Variants in PDE10A observed in about 807,000 individuals in gnomAD.
PDE10A encodes the protein cAMP and cAMP-inhibited cGMP 3',5'-cyclic phosphodiesterase 10A.
A neutral mutation model predicts 97.7 loss-of-function variants in PDE10A; 39 were observed. The observed-to-expected ratio is 0.40, with a 90% CI of 0.31 to 0.52. The LOEUF (loss-of-function observed/expected upper bound fraction) is 0.52, where lower values mean the gene tolerates loss of function less well. Among genes scored for constraint, PDE10A ranks in the 20% least tolerant of loss-of-function variants. PDE10A has a pLI of 0.56. For synonymous variants in PDE10A, 371 were observed against 376.8 expected (o/e 0.98, Z 0.18); for missense variants, 731 against 1,047.8 (o/e 0.70, Z 4.17).
At position 165,907,681 on chromosome 6, in the gene PDE10A, C is replaced by T. The variant is rs183118690; in HGVS notation, c.-615+79848G>A. On this transcript the variant is annotated intron_variant, in intron 1 of 19. Coordinates refer to the PDE10A transcript ENST00000366882. ...AATCCAGCAAGAAGGAGGAATAAAGCACCCTGCAGGAGGAGCGGATGCCTC... is the reference window on the plus strand; with the variant it reads ...AATCCAGCAAGAAGGAGGAATAAAGTACCCTGCAGGAGGAGCGGATGCCTC... 5.1e-3 allele frequency among the ~76,000 whole-genome samples: 776 copies of T among 152,358 alleles called. 7 individuals carry two copies. Among genetic ancestry groups the T allele is most frequent in the Non-Finnish European group, 6.7e-3 (457 of 68,036 alleles).
At chr6:165,603,976 A>G (rs1318283178) in intron 1 of PDE10A, among the ~76,000 whole-genome samples, 1 of 152,216 alleles carries the variant, frequency 6.6e-6, no homozygotes, top group Non-Finnish European at 1.5e-5. Context: ...CTTACAAACC[A>G]TGCTCCTTCT....
At chr6:165,639,738 CA>C (rs35358593) in intron 1 of PDE10A, among the ~76,000 whole-genome samples, 30,160 of 102,240 alleles carry the variant, frequency 0.29, 3,445 homozygotes, top group Middle Eastern at 0.41. Flanking sequence ...GACTCTGTCC[CA>C]AAAAAAAAAA....
chr6:165,375,895 TTC>T (rs146191905), intron 18 of PDE10A, among the ~76,000 whole-genome samples: 12,028 of 152,252 alleles, frequency 0.079, 527 homozygotes, highest in Middle Eastern at 0.2. Context: ...ATACTGAACA[TTC>T]TAAGCCTACT....
chr6:165,379,181 A>G lies in PDE10A; in HGVS notation c.2783+13T>C. On this transcript the variant is annotated intron_variant, in intron 18 of 21. Transcript: ENST00000539869. ...ACTTTCTGGGCTTCTAAGCTTTTAA[A>G]AATTATTTTTACCTATGTGATTGAT... is the stretch of plus-strand genomic sequence containing the variant. The G allele has an allele frequency of 6.3e-7, 1 of 1,576,528 alleles. No individual in the cohort carries two copies. Among genetic ancestry groups the G allele is most frequent in the Non-Finnish European group, 8.6e-7 (1 of 1,157,012 alleles).
At chr6:165,942,290 G>A (rs200037251) in intron 1 of PDE10A, among the ~76,000 whole-genome samples, 1 of 107,242 alleles carries the variant, frequency 9.3e-6, no homozygotes, top group Non-Finnish European at 1.8e-5. Context: ...GTATGTGTGT[G>A]TATATATATA....
At chr6:165,984,519 C>T (rs556872243) in intron 1 of PDE10A, among the ~76,000 whole-genome samples, 29 of 152,360 alleles carry the variant, frequency 1.9e-4, no homozygotes, top group African/African-American at 6.7e-4. Context: ...TTCGTCTGCT[C>T]TTAACCAAAA....
chr6:165,725,559 G>A (rs945967881), intron 1 of PDE10A, among the ~76,000 whole-genome samples: 11 of 152,224 alleles, frequency 7.2e-5, no homozygotes, highest in Non-Finnish European at 8.8e-5. Flanking sequence ...TTTAGCCATC[G>A]GTTCCTGCCA....
chr6:165,874,261 T>C (rs1781276870), intron 1 of PDE10A, among the ~76,000 whole-genome samples: 1 of 152,184 alleles, frequency 6.6e-6, no homozygotes, highest in Non-Finnish European at 1.5e-5. Flanking sequence ...TGGAGACAGA[T>C]TCAAAGTTGG....
At chr6:165,609,562 CA>C (rs1787391365) in intron 1 of PDE10A, among the ~76,000 whole-genome samples, 1 of 152,168 alleles carries the variant, frequency 6.6e-6, no homozygotes. Flanking sequence ...AAGAGGAAGT[CA>C]AATTGTCCCT....
At chr6:165,549,411 G>A (rs151002790) in intron 1 of PDE10A, among the ~76,000 whole-genome samples, 4,925 of 152,144 alleles carry the variant, frequency 0.032, 112 homozygotes, top group Non-Finnish European at 0.045. Context: ...TGCAAGCTCC[G>A]CCTCCTGGGT....
intron 1 of PDE10A, among the ~76,000 whole-genome samples, chr6:165,885,710 C>T (rs371552762): frequency 2.2e-4 from 33 of 152,338 alleles, no homozygotes; most frequent in Admixed American, 3.3e-4. Context: ...AGATCCAGTG[C>T]GTCCTTCACT....
intron 1 of PDE10A, among the ~76,000 whole-genome samples, chr6:165,925,017 C>T (rs1381711531): frequency 6.6e-6 from 1 of 152,126 alleles, no homozygotes; most frequent in Non-Finnish European, 1.5e-5. Flanking sequence ...CACCTCATGT[C>T]CGCCAAGGTC....
chr6:165,395,749 A>AT (rs1786114762), intron 14 of PDE10A, among the ~76,000 whole-genome samples: 1 of 152,162 alleles, frequency 6.6e-6, no homozygotes, highest in Admixed American at 6.5e-5. Context: ...ACAGTATGGT[A>AT]TAATATATAC....
intron 1 of PDE10A, among the ~76,000 whole-genome samples, chr6:165,822,966 T>C (rs1291048759): frequency 6.6e-6 from 1 of 151,978 alleles, no homozygotes; most frequent in Non-Finnish European, 1.5e-5. Context: ...CCTGAGTAGC[T>C]GAGACAACAG....
At position 165,418,283 on chromosome 6, in the gene PDE10A, G is replaced by A. The variant is rs753215245; in HGVS notation, c.1796+352C>T. On this transcript the variant is annotated intron_variant, in intron 11 of 21. Transcript: ENST00000539869. This position sits in a 1 kb window ranked among gnomAD's most constrained non-coding sequence, Gnocchi z 4.8. ...GTTGGGAAGAAGTAGGGGCCGAATT[G>A]CATAAGCACACCTTTTCTCTTGGAC... Among the ~76,000 whole-genome samples, 1 of 152,198 alleles carries A rather than the reference G, an allele frequency of 6.6e-6. No homozygotes were observed. Among genetic ancestry groups the A allele is most frequent in the Admixed American group, 6.5e-5 (1 of 15,282 alleles).
chr6:165,680,290 A>G (rs965740247), intron 1 of PDE10A, among the ~76,000 whole-genome samples: 4 of 152,198 alleles, frequency 2.6e-5, no homozygotes, highest in African/African-American at 9.6e-5. Context: ...CAGGTTCTAT[A>G]ATTCAAGTGA....
chr6:165,910,127 C>T (rs2128486101), intron 1 of PDE10A, among the ~76,000 whole-genome samples: 1 of 152,314 alleles, frequency 6.6e-6, no homozygotes, highest in African/African-American at 2.4e-5. Flanking sequence ...ACTAGATGCT[C>T]AGTAAACACA....
At chr6:165,364,241 G>A (rs1783618007) in intron 18 of PDE10A, among the ~76,000 whole-genome samples, 1 of 152,140 alleles carries the variant, frequency 6.6e-6, no homozygotes, top group African/African-American at 2.4e-5. Flanking sequence ...GAAGGAAGGT[G>A]ATTATGTCAT....
intron 1 of PDE10A, among the ~76,000 whole-genome samples, chr6:165,634,683 T>C (rs1788792598): frequency 6.6e-6 from 1 of 152,106 alleles, no homozygotes; most frequent in Admixed American, 6.5e-5. Flanking sequence ...AAGCCATAAA[T>C]TTGACTGTAA....
Sources: gnomAD v4.1 joint callset for allele counts (sites outside exome capture counted in the v4.1 genomes callset) on GRCh38, gnomAD v4.1.1 for gene constraint, Gnocchi (gnomAD v3.1) non-coding constraint, MANE v1.5 for transcripts, NCBI Gene and HGNC (gene_info 2026-07-23, HGNC 2026-07-21) for gene names.